SMC6: variants seen among roughly 807,000 people sequenced by gnomAD.
SMC6 encodes structural maintenance of chromosomes 6.
SMC6 carries 79 observed loss-of-function variants against 142.2 expected under a neutral mutation model. That is an observed-to-expected ratio of 0.56 (90% CI 0.46 to 0.67). The LOEUF is 0.67. Among genes scored for constraint, SMC6 ranks in the 30% least tolerant of loss-of-function variants. SMC6 has a pLI of 0.00. For synonymous variants in SMC6, 411 were observed against 412.4 expected, an observed-to-expected ratio of 1.00 and a Z score of 0.04; for missense variants, 1,072 against 1,284.0, an observed-to-expected ratio of 0.83 and a Z score of 2.52.
At chr2:17,700,426 T>G in intron 20 of SMC6, 48 bp from the exon 21 acceptor site, 1 of 1,403,512 alleles carries the variant, frequency 7.1e-7, no homozygotes, top group Non-Finnish European at 9.5e-7. Context: ...TACTTTAAGT[T>G]TTCAAATAGA....
chr2:17,707,651 T>C (rs1320017487), intron 17 of SMC6, among the ~76,000 whole-genome samples: 1 of 152,114 alleles, frequency 6.6e-6, no homozygotes, highest in Non-Finnish European at 1.5e-5. Context: ...CATATTGCTA[T>C]CTATTTAAAA....
Position 17,715,076 on chromosome 2 carries a change from G to A in SMC6, c.1526-11C>T, listed in dbSNP as rs759692360. 2 of 1,609,770 alleles carry A rather than the reference G, an allele frequency of 1.2e-6. No individual in the cohort carries two copies. Among genetic ancestry groups the A allele is most frequent in the South Asian group, 2.2e-5 (2 of 90,066 alleles). ...GATGAATGCAAGCTCCTAAAAGTGAGAGAAAATTACAGAAGGGCTCATAAA... is the reference window on the plus strand; with the variant it reads ...GATGAATGCAAGCTCCTAAAAGTGAAAGAAAATTACAGAAGGGCTCATAAA... On this transcript the variant is annotated splice_polypyrimidine_tract_variant and intron_variant, in intron 15 of 27. Coordinates refer to ENST00000448223, the MANE Select transcript of SMC6 (RefSeq NM_001142286.2).
chr2:17,716,945 T>A, intron 13 of SMC6, 40 bp from the exon 14 acceptor site: 5 of 1,572,374 alleles, frequency 3.2e-6, no homozygotes, highest in Non-Finnish European at 4.3e-6. Flanking sequence ...GTTAGTTCAA[T>A]GAACAGCCTA....
intron 3 of SMC6, among the ~76,000 whole-genome samples, chr2:17,743,245 A>G (rs1184484741): frequency 1.3e-5 from 2 of 152,196 alleles, no homozygotes; most frequent in Non-Finnish European, 2.9e-5. Context: ...ATTTAAATTT[A>G]CATATCATTT....
In SMC6 at chr2:17,670,527, A is replaced by G. The variant is rs763553241; in HGVS notation, c.2959T>C (p.Leu987=). Residue 987 remains leucine (L), a synonymous_variant, in exon 26 of 28, where the codon TTG becomes CTG. Transcript: ENST00000448223. Reference sequence around the variant, plus strand: ...GAGAAAGAACGTTCACCTCCAGACAAGGCTCTCATGTCATTGAAAGCAGCT... The same window carrying G: ...GAGAAAGAACGTTCACCTCCAGACAGGGCTCTCATGTCATTGAAAGCAGCT... ...NKAAFNDMRA[L]SGGERSFSTV... is the part of the protein sequence containing the mutation. 35 of 1,602,426 alleles carry G rather than the reference A, an allele frequency of 2.2e-5. No homozygotes were observed. Among genetic ancestry groups the G allele is most frequent in the Non-Finnish European group, 2.9e-5 (34 of 1,176,668 alleles).
rs564407240 is a variant in SMC6, at chr2:17,668,441, T to C, written c.3064-1924A>G. On this transcript the variant is annotated intron_variant, in intron 26 of 27. Transcript: ENST00000448223. The stretch of plus-strand genomic sequence containing the variant: ...GACTAGGCATTAGGAGACATAAACA[T>C]CTCAGACATAGCTGATAACCTCAAA... Among the ~76,000 whole-genome samples, 13 of 152,190 alleles carry C rather than the reference T, an allele frequency of 8.5e-5. 2 individuals are homozygous for C. The Middle Eastern group carries it at 0.01, about 119-fold the overall frequency.
intron 21 of SMC6, among the ~76,000 whole-genome samples, chr2:17,698,956 G>A: frequency 6.6e-6 from 1 of 151,916 alleles, no homozygotes; most frequent in East Asian, 1.9e-4. Flanking sequence ...CCTCCCTTTT[G>A]TATCCCTTTT....
At chr2:17,745,403 C>T (rs1358294351) in intron 3 of SMC6, among the ~76,000 whole-genome samples, 1 of 152,138 alleles carries the variant, frequency 6.6e-6, no homozygotes, top group African/African-American at 2.4e-5. Context: ...TGATCTATTT[C>T]GTACTGGGTG....
intron 25 of SMC6, among the ~76,000 whole-genome samples, chr2:17,673,714 C>A (rs377688194): frequency 1.4e-4 from 21 of 151,838 alleles, no homozygotes; most frequent in African/African-American, 5.1e-4. Context: ...GGATTACAGG[C>A]ATGTGCCACC....
At chr2:17,716,333 A>AT in intron 14 of SMC6, 69 bp from the exon 15 acceptor site, 2 of 1,460,378 alleles carry the variant, frequency 1.4e-6, no homozygotes, top group Non-Finnish European at 1.9e-6. Flanking sequence ...ACCTTTGCCC[A>AT]TAACACCTAC....
intron 14 of SMC6, 115 bp from the exon 15 acceptor site, chr2:17,716,379 C>T (rs1669085241): frequency 1.1e-6 from 1 of 930,242 alleles, no homozygotes; most frequent in Non-Finnish European, 1.6e-6. Flanking sequence ...ACCCTAAAAA[C>T]CAAAAGCAGA....
In SMC6 at chr2:17,670,556, T is replaced by C. The variant is rs752328356; in HGVS notation, c.2930A>G (p.Asn977Ser). The C allele has an allele frequency of 6.3e-7, 1 of 1,576,084 alleles. No individual in the cohort carries two copies. Among genetic ancestry groups the C allele is most frequent in the East Asian group, 2.3e-5 (1 of 44,356 alleles). Residue 977 changes from asparagine to serine, a missense_variant, in exon 26 of 28, where the codon AAT becomes AGT. Asn to Ser is a conservative substitution (Grantham distance 46). This residue lies in a region of SMC6 where 994 missense variants were observed against 1,153.2 expected (regional missense o/e 0.86). Transcript: ENST00000448223. ...LSISVQPGEGNKAAFNDMRAL... is the reference protein window; with the variant it reads ...LSISVQPGEGSKAAFNDMRAL... The stretch of plus-strand genomic sequence containing the variant: ...TCTCATGTCATTGAAAGCAGCTTTA[T>C]TTCCTTCTCCAGGCTGAACCTTGAA...
intron 21 of SMC6, among the ~76,000 whole-genome samples, chr2:17,698,052 T>C (rs2124925514): frequency 6.6e-6 from 1 of 152,146 alleles, no homozygotes; most frequent in African/African-American, 2.4e-5. Flanking sequence ...CCACATACTA[T>C]ATGATTCTAC....
intron 9 of SMC6, among the ~76,000 whole-genome samples, chr2:17,724,453 A>G (rs749588947): frequency 3.9e-5 from 6 of 152,228 alleles, no homozygotes; most frequent in African/African-American, 1.4e-4. Context: ...CCTCAAAAGG[A>G]CAAGCTACAA....
At chr2:17,690,454 C>T (rs1002097420) in intron 23 of SMC6, among the ~76,000 whole-genome samples, 3 of 151,850 alleles carry the variant, frequency 2.0e-5, no homozygotes, top group East Asian at 1.9e-4. Context: ...ATTAGCTGCA[C>T]GTGGTGGTGC....
chr2:17,743,970 A>G (rs1670607335), intron 3 of SMC6, among the ~76,000 whole-genome samples: 1 of 152,198 alleles, frequency 6.6e-6, no homozygotes, highest in African/African-American at 2.4e-5. Context: ...TTATTTATCC[A>G]TTTATCTACT....
At chr2:17,707,809 T>C (rs1264903893) in intron 17 of SMC6, among the ~76,000 whole-genome samples, 1 of 152,032 alleles carries the variant, frequency 6.6e-6, no homozygotes, top group Non-Finnish European at 1.5e-5. Context: ...CTGAAATATG[T>C]AGGGAAAGTC....
intron 23 of SMC6, among the ~76,000 whole-genome samples, chr2:17,690,793 C>T (rs541369658): frequency 1.3e-5 from 2 of 151,874 alleles, no homozygotes; most frequent in Admixed American, 6.6e-5. Flanking sequence ...ATTAAAATTA[C>T]GGTTAATTCT....
At chr2:17,731,188 C>G (rs759620558) in intron 6 of SMC6, 49 bp from the exon 7 acceptor site, 1 of 1,305,302 alleles carries the variant, frequency 7.7e-7, no homozygotes, top group Non-Finnish European at 1.1e-6. Context: ...TAGGGCATAA[C>G]ACAGAAAAAA....
Sources: allele counts gnomAD v4.1 joint callset (sites outside exome capture counted in the v4.1 genomes callset), GRCh38; gene constraint gnomAD v4.1.1; regional missense constraint gnomAD v4.1.1; transcripts MANE v1.5; gene names NCBI Gene and HGNC (gene_info 2026-07-23, HGNC 2026-07-21).